The following ITGA9 variants were observed in gnomAD, a reference collection of about 807,000 sequenced individuals.
ITGA9 encodes the protein integrin alpha-9.
ITGA9 carries 56 observed loss-of-function variants against 127.8 expected under a neutral mutation model. The observed-to-expected ratio is 0.44, with a 90% CI of 0.35 to 0.55. The LOEUF (loss-of-function observed/expected upper bound fraction) is 0.55. Ranked by LOEUF, ITGA9 falls within the 20% of genes least tolerant of loss-of-function variation. ITGA9 has a pLI of 0.00. For missense variants in ITGA9, 1,196 were observed against 1,347.1 expected, an observed-to-expected ratio of 0.89 and a Z score of 1.76; for synonymous variants, 508 against 514.5, an observed-to-expected ratio of 0.99 and a Z score of 0.17.
Position 37,771,236 on chromosome 3 carries a change from G to A in ITGA9, c.2542-6156G>A, listed in dbSNP as rs72860979. Among the ~76,000 whole-genome samples, 1,096 of 152,310 alleles carry A rather than the reference G, an allele frequency of 7.2e-3. 19 individuals are homozygous for A. Among genetic ancestry groups the A allele is most frequent in the African/African-American group, 0.025 (1,027 of 41,560 alleles). ...GAAATGACATTGTTGGTCATTGGCC[G>A]GGGATGCTTGGGTTGTCTGCAACAC... On this transcript the variant is annotated intron_variant, in intron 23 of 27. Transcript: ENST00000264741.
chr3:37,711,452 A>G (rs1484913232), intron 18 of ITGA9, among the ~76,000 whole-genome samples: 2 of 152,202 alleles, frequency 1.3e-5, no homozygotes. Flanking sequence ...TCTGGCCTAC[A>G]TTCAAGGGGA....
rs565439203 is a variant in ITGA9 at position 37,456,662 on chromosome 3, C to T, written c.185+4103C>T. On this transcript the variant is annotated intron_variant, in intron 1 of 27. Transcript: ENST00000264741. ...AAGACGGCTGTGCTTAGGCACAGAG[C>T]GAGTGCTCGGAAATGGAAGATGTGC... 7.9e-5 allele frequency among the ~76,000 whole-genome samples: 12 copies of T among 152,274 alleles called. No individual in the cohort carries two copies. In the East Asian group the frequency reaches 1.2e-3, roughly 15 times the overall value.
intron 15 of ITGA9, among the ~76,000 whole-genome samples, chr3:37,600,886 G>C (rs1391046042): frequency 6.6e-6 from 1 of 152,244 alleles, no homozygotes; most frequent in Non-Finnish European, 1.5e-5. Context: ...GGGAATGAGA[G>C]GCTACATAGC....
In ITGA9 at chr3:37,495,663, T is replaced by C. The variant is rs570378108; in HGVS notation, c.612+1095T>C. On this transcript the variant is annotated intron_variant, in intron 5 of 27. Transcript: ENST00000264741. ...TCACCTGGAGGTACACTGGCCCTGA[T>C]TGGTCTTCTTATGTCTATTATGCTT... is the stretch of plus-strand genomic sequence containing the variant. 2.0e-5 allele frequency among the ~76,000 whole-genome samples: 3 copies of C among 152,334 alleles called. No individual in the cohort carries two copies. In the South Asian group the frequency reaches 6.2e-4, roughly 32 times the overall value.
At chr3:37,687,083 C>G (rs1465882586) in intron 18 of ITGA9, among the ~76,000 whole-genome samples, 1 of 151,958 alleles carries the variant, frequency 6.6e-6, no homozygotes, top group African/African-American at 2.4e-5. Context: ...TAATAGAAAA[C>G]AAAAGTAAAT....
rs1697529548 is a variant in ITGA9, at chr3:37,822,798, G to A, written c.*3809G>A. ...AAGGTTATTTATGACTTTTATTTTT[G>A]GGTAAGGCATTATGGCCAGGTGCAT... On this transcript the variant is annotated 3_prime_UTR_variant, in exon 28 of 28. Transcript: ENST00000264741. 2 of 152,170 alleles carry A rather than the reference G, an allele frequency of 1.3e-5. No individual in the cohort carries two copies. The highest frequency in any genetic ancestry group is 4.1e-4 in the South Asian group (2 of 4,836). The allele number at this position is 152,170 out of a possible 1,614,324, so 9.4% of individuals were successfully genotyped here. A position where few individuals can be genotyped will look rare whatever the true frequency, so the allele number is the denominator to read the frequency against.
At position 37,732,796 on chromosome 3, in the gene ITGA9, A is replaced by G; in HGVS notation, c.2152A>G (p.Lys718Glu). The G allele has an allele frequency of 6.2e-7, 1 of 1,608,114 alleles. No individual in the cohort carries two copies. ...VGFPFMRSKS[K>E]YEFSVIFDTS... ...ATTTCCTTTCATGAGGTCAAAGTCAAAGGTAAGGGACACAGACGGGACCCT... is the reference window on the plus strand; with the variant it reads ...ATTTCCTTTCATGAGGTCAAAGTCAGAGGTAAGGGACACAGACGGGACCCT... Residue 718 changes from lysine to glutamate, a missense_variant and splice_region_variant, in exon 19 of 28, where the codon AAG (lysine) becomes GAG (glutamate). By Grantham distance (56) the Lys-to-Glu change is moderately conservative (BLOSUM62 1). Coordinates refer to ENST00000264741, the MANE Select transcript of ITGA9 (RefSeq NM_002207.3).
chr3:37,508,323 A>G (rs1290625429), intron 7 of ITGA9, among the ~76,000 whole-genome samples: 1 of 152,180 alleles, frequency 6.6e-6, no homozygotes, highest in Admixed American at 6.5e-5. Flanking sequence ...TGTGGCTTTT[A>G]TAAGTATTGT....
chr3:37,593,153 T>A (rs1335046258), intron 15 of ITGA9, among the ~76,000 whole-genome samples: 1 of 152,208 alleles, frequency 6.6e-6, no homozygotes, highest in African/African-American at 2.4e-5. Context: ...AATTCATAGA[T>A]GCTCAAGTCC....
At chr3:37,786,312 C>T (rs1210977039) in intron 26 of ITGA9, among the ~76,000 whole-genome samples, 2 of 152,160 alleles carry the variant, frequency 1.3e-5, no homozygotes, top group Non-Finnish European at 2.9e-5. Context: ...GGGTTCAAAC[C>T]AAAGACTACT....
intron 15 of ITGA9, among the ~76,000 whole-genome samples, chr3:37,607,524 A>C (rs1251598652): frequency 6.6e-6 from 1 of 152,144 alleles, no homozygotes; most frequent in Admixed American, 6.5e-5. Flanking sequence ...CCTGCCTCTC[A>C]GATTAAGGCA....
At chr3:37,747,724 TTTTTG>T (rs1553664945) in intron 22 of ITGA9, among the ~76,000 whole-genome samples, 2 of 151,666 alleles carry the variant, frequency 1.3e-5, no homozygotes, top group African/African-American at 4.9e-5. Context: ...TTCTTTTTTT[TTTTTG>T]TTTTGTTTTG....
At chr3:37,571,072 C>T (rs1699595380) in intron 15 of ITGA9, among the ~76,000 whole-genome samples, 1 of 152,166 alleles carries the variant, frequency 6.6e-6, no homozygotes, top group African/African-American at 2.4e-5. Flanking sequence ...AAGAACAAGC[C>T]CAATGAATAG....
intron 1 of ITGA9, among the ~76,000 whole-genome samples, chr3:37,470,516 C>T (rs1698419521): frequency 6.6e-6 from 1 of 152,294 alleles, no homozygotes; most frequent in East Asian, 1.9e-4. Flanking sequence ...CTATGCTTGT[C>T]TTTGGCCTAT....
intron 1 of ITGA9, among the ~76,000 whole-genome samples, chr3:37,454,779 C>T (rs1307891529): frequency 6.6e-6 from 1 of 152,064 alleles, no homozygotes; most frequent in Non-Finnish European, 1.5e-5. Flanking sequence ...CAAGTATTTT[C>T]CTCCCCATCC....
chr3:37,458,294 A>G (rs1698281933), intron 1 of ITGA9, among the ~76,000 whole-genome samples: 1 of 152,182 alleles, frequency 6.6e-6, no homozygotes, highest in Admixed American at 6.5e-5. Context: ...GGCTTGTGTC[A>G]GTTTGCATCC....
chr3:37,750,828 G>A (rs1161811659), intron 23 of ITGA9, among the ~76,000 whole-genome samples: 1 of 152,370 alleles, frequency 6.6e-6, no homozygotes, highest in Non-Finnish European at 1.5e-5. Flanking sequence ...GATGGACTTC[G>A]CTGGCTCTGG....
At chr3:37,495,682 T>G (rs1210312613) in intron 5 of ITGA9, among the ~76,000 whole-genome samples, 1 of 152,190 alleles carries the variant, frequency 6.6e-6, no homozygotes, top group Non-Finnish European at 1.5e-5. Context: ...TTATGTCTAT[T>G]ATGCTTTTTT....
chr3:37,525,957 G>A (rs1699088697), intron 12 of ITGA9, 69 bp from the exon 13 acceptor site: 8 of 1,298,708 alleles, frequency 6.2e-6, no homozygotes, highest in South Asian at 2.4e-5. Flanking sequence ...CCTTGTGAGC[G>A]CATTCCCAGG....
Sources: gnomAD v4.1 joint callset for allele counts (sites outside exome capture counted in the v4.1 genomes callset) on GRCh38, gnomAD v4.1.1 for gene constraint, MANE v1.5 for transcripts, NCBI Gene and HGNC (gene_info 2026-07-23, HGNC 2026-07-21) for gene names.